Variants in SYNE2 observed in about 807,000 individuals in gnomAD.
The protein encoded by SYNE2 is nesprin-2.
SYNE2 carries 431 observed loss-of-function variants against 856.3 expected under a neutral mutation model. The ratio of observed to expected loss-of-function variants is 0.50; its 90% CI spans 0.47 to 0.55. SYNE2 has a LOEUF of 0.55. Among genes scored for constraint, SYNE2 ranks in the 20% least tolerant of loss-of-function variants. The pLI is 0.00. For missense variants in SYNE2, 8,129 were observed against 8,023.2 expected (o/e 1.01, Z -0.50); for synonymous variants, 2,923 against 2,872.3 (o/e 1.02, Z -0.56).
chr14:64,224,793 A>G (rs927267736), intron 114 of SYNE2, among the ~76,000 whole-genome samples: 1 of 152,020 alleles, frequency 6.6e-6, no homozygotes, highest in African/African-American at 2.4e-5. Context: ...ACTTCAACAC[A>G]CTTGACCCTG....
At chr14:64,047,882 CT>C in intron 45 of SYNE2, 117 bp from the exon 46 acceptor site, 7 of 1,128,174 alleles carry the variant, frequency 6.2e-6, no homozygotes, top group East Asian at 2.6e-5. Flanking sequence ...CCCAAATATA[CT>C]TTTTAAGTCT....
At chr14:64,190,871 A>C in intron 99 of SYNE2, 1 of 693,676 alleles carries the variant, frequency 1.4e-6, no homozygotes, top group Non-Finnish European at 2.6e-6. Context: ...CAAAATGATG[A>C]TGATGCCCAA....
rs117747970 is a variant in SYNE2, at chr14:63,878,212, G to A, written c.-52+25069G>A. On this transcript the variant is annotated intron_variant, in intron 1 of 115. Transcript: ENST00000555002. ...TAACATGGTGTTCTTTGGATGGTGA[G>A]TGGGTGGGTGAATAAGAAATGGCAC... Among the ~76,000 whole-genome samples the A allele has an allele frequency of 6.4e-4, 98 of 152,270 alleles. 1 individual carries two copies. In the East Asian group the frequency reaches 0.017, roughly 27 times the overall value.
At chr14:64,026,522 A>T (rs1213956344) in intron 41 of SYNE2, 57 bp from the exon 42 acceptor site, 18 of 1,322,550 alleles carry the variant, frequency 1.4e-5, no homozygotes, top group Non-Finnish European at 1.8e-5. Context: ...AAGAGATAGC[A>T]TGTAGTATCT....
intron 11 of SYNE2, among the ~76,000 whole-genome samples, chr14:63,975,404 C>G (rs1163127462): frequency 6.6e-6 from 1 of 152,170 alleles, no homozygotes; most frequent in Non-Finnish European, 1.5e-5. Flanking sequence ...ATGATCATGG[C>G]TCACTGTAGC....
chr14:64,122,191 G>T (rs1430390769), intron 69 of SYNE2, 58 bp downstream of exon 69: 1 of 1,613,846 alleles, frequency 6.2e-7, no homozygotes, highest in African/African-American at 1.3e-5. Flanking sequence ...GGAGAATTAA[G>T]AGTGTTTCTT....
At chr14:64,022,535 C>T (rs2096943281) in intron 37 of SYNE2, among the ~76,000 whole-genome samples, 1 of 151,946 alleles carries the variant, frequency 6.6e-6, no homozygotes, top group African/African-American at 2.4e-5. Context: ...GAGTTTGAGA[C>T]CAGCCTGGGT....
At chr14:64,089,973 A>G (rs1320666835) in intron 59 of SYNE2, among the ~76,000 whole-genome samples, 1 of 152,224 alleles carries the variant, frequency 6.6e-6, no homozygotes, top group Non-Finnish European at 1.5e-5. Flanking sequence ...AGCCCCAGCT[A>G]GACTGCTCAC....
At chr14:63,773,076 C>T (rs189624227) in intron 1 of SYNE2, among the ~76,000 whole-genome samples, 1 of 151,736 alleles carries the variant, frequency 6.6e-6, no homozygotes, top group Admixed American at 6.6e-5. Context: ...CTGCGCCCAG[C>T]CTATATTACA....
At chr14:63,948,045 A>G (rs934292775) in intron 6 of SYNE2, among the ~76,000 whole-genome samples, 3 of 152,188 alleles carry the variant, frequency 2.0e-5, no homozygotes, top group African/African-American at 7.2e-5. Flanking sequence ...AAGTTGTCCA[A>G]CTTATTCTTT....
At chr14:63,894,459 G>C (rs1262259577) in intron 1 of SYNE2, among the ~76,000 whole-genome samples, 1 of 152,068 alleles carries the variant, frequency 6.6e-6, no homozygotes, top group East Asian at 1.9e-4. Flanking sequence ...TGGCCTCAGG[G>C]GATCCTCCTG....
rs980443638 is a variant in SYNE2 at position 64,016,462 on chromosome 14, C to A, written c.4729-11C>A. On this transcript the variant is annotated splice_polypyrimidine_tract_variant and intron_variant, in intron 32 of 115. Transcript: ENST00000555002. ...AAAATATCAGAAATAACTTTCATAT[C>A]TTTTTTACAGATTGAAATTGTCAAA... is the stretch of plus-strand genomic sequence containing the variant. 7.1e-6 allele frequency: 11 copies of A among 1,538,846 alleles called. No homozygotes were observed. The highest frequency in any genetic ancestry group is 9.8e-6 in the Non-Finnish European group (11 of 1,125,322).
chr14:63,983,508 A>C (rs917065240), intron 17 of SYNE2, among the ~76,000 whole-genome samples: 1 of 152,194 alleles, frequency 6.6e-6, no homozygotes, highest in Non-Finnish European at 1.5e-5. Flanking sequence ...GTATCTTTAT[A>C]TGTAGCATAG....
rs2097548091 is a variant in SYNE2 at position 64,084,841 on chromosome 14, A to G, written c.11485-2830A>G. Reference sequence around the variant, plus strand: ...CAAGGTCTCTCATGAGAATGCGGTCAAGGTGTCGACAAAGGCTGCAGGCTC... The same window carrying G: ...CAAGGTCTCTCATGAGAATGCGGTCGAGGTGTCGACAAAGGCTGCAGGCTC... On this transcript the variant is annotated intron_variant, in intron 57 of 115. Coordinates refer to ENST00000555002, the MANE Select transcript of SYNE2 (RefSeq NM_182914.3). 8 of 647,060 alleles carry G rather than the reference A, an allele frequency of 1.2e-5. No homozygotes were observed. In the East Asian group the frequency reaches 2.2e-4, roughly 18 times the overall value. 40.1% of individuals were successfully genotyped at this position (647,060 alleles called of 1,614,324 possible).
intron 96 of SYNE2, among the ~76,000 whole-genome samples, chr14:64,178,992 C>T (rs2098446653): frequency 6.6e-6 from 1 of 151,934 alleles, no homozygotes; most frequent in Admixed American, 6.6e-5. Context: ...TGGGAGGATC[C>T]TTTGAGCCCA....
At chr14:64,039,352 T>A (rs2153560056) in intron 45 of SYNE2, among the ~76,000 whole-genome samples, 1 of 152,330 alleles carries the variant, frequency 6.6e-6, no homozygotes, top group East Asian at 1.9e-4. Context: ...GTGACTGTGC[T>A]AACATGTTGG....
intron 1 of SYNE2, among the ~76,000 whole-genome samples, chr14:63,829,256 A>T (rs1029887211): frequency 2.6e-5 from 4 of 152,084 alleles, no homozygotes; most frequent in African/African-American, 7.2e-5. Flanking sequence ...CTACGAAAAA[A>T]GTTTTAAAAA....
intron 85 of SYNE2, among the ~76,000 whole-genome samples, chr14:64,156,547 C>G (rs924416272): frequency 1.3e-5 from 2 of 151,346 alleles, no homozygotes; most frequent in Non-Finnish European, 3.0e-5. Context: ...CAACTTCCAC[C>G]TTCCAGGTTC....
At chr14:64,219,114 T>G (rs1053628186) in intron 109 of SYNE2, 94 bp from the exon 110 acceptor site, 75 of 959,192 alleles carry the variant, frequency 7.8e-5, no homozygotes, top group Middle Eastern at 3.3e-4. Context: ...GTTTTTTTTT[T>G]TTTTTTTTTT....
Sources: allele counts gnomAD v4.1 joint callset (sites outside exome capture counted in the v4.1 genomes callset), GRCh38; gene constraint gnomAD v4.1.1; transcripts MANE v1.5; gene names NCBI Gene and HGNC (gene_info 2026-07-23, HGNC 2026-07-21).